Variants in RMI1 observed in about 807,000 individuals in gnomAD.
RMI1 encodes RecQ mediated genome instability 1, also known as recQ-mediated genome instability protein 1.
In RMI1, 36 loss-of-function variants were observed where a neutral mutation model predicts 46.7. That is an observed-to-expected ratio of 0.77 (90% CI 0.59 to 1.02). The LOEUF (loss-of-function observed/expected upper bound fraction) is 1.02. RMI1 is among the 50% of genes least tolerant of loss of function. RMI1 has a pLI of 0.00. For missense variants in RMI1, 676 were observed against 713.7 expected (o/e 0.95, Z 0.60); for synonymous variants, 250 against 252.9 (o/e 0.99, Z 0.11).
intron 1 of RMI1, among the ~76,000 whole-genome samples, chr9:83,982,785 A>G (rs1017354994): frequency 6.6e-6 from 1 of 151,548 alleles, no homozygotes; most frequent in Non-Finnish European, 1.5e-5. Context: ...GATGGTTGCT[A>G]TTTTTCCCCC....
intron 1 of RMI1, among the ~76,000 whole-genome samples, chr9:83,994,910 C>T (rs189392720): frequency 1.6e-3 from 251 of 152,204 alleles, no homozygotes; most frequent in African/African-American, 5.8e-3. Context: ...TGCCATGTTA[C>T]TGTGTATAAG....
At chr9:83,989,234 C>T (rs1391587006) in intron 1 of RMI1, among the ~76,000 whole-genome samples, 1 of 152,114 alleles carries the variant, frequency 6.6e-6, no homozygotes, top group Non-Finnish European at 1.5e-5. Flanking sequence ...TGTGAAACTA[C>T]TAGGCAAAAA....
chr9:83,994,345 T>C (rs1418099041), intron 1 of RMI1, among the ~76,000 whole-genome samples: 1 of 152,216 alleles, frequency 6.6e-6, no homozygotes, highest in Non-Finnish European at 1.5e-5. Flanking sequence ...CCTGTACTTT[T>C]GGTGTCATAT....
At chr9:83,996,457 G>A (rs933223100) in intron 1 of RMI1, among the ~76,000 whole-genome samples, 5 of 152,244 alleles carry the variant, frequency 3.3e-5, no homozygotes, top group East Asian at 3.9e-4. Context: ...GGGGCTGCAC[G>A]GCTTTAGTGC....
intron 1 of RMI1, among the ~76,000 whole-genome samples, chr9:83,998,899 G>C (rs1957697671): frequency 6.6e-6 from 1 of 152,172 alleles, no homozygotes; most frequent in South Asian, 2.1e-4. Flanking sequence ...CCAGGACTTT[G>C]GGAGGCTGAG....
At chr9:83,985,475 C>T (rs1957475809) in intron 1 of RMI1, among the ~76,000 whole-genome samples, 1 of 152,142 alleles carries the variant, frequency 6.6e-6, no homozygotes. Flanking sequence ...TTGTGTTTTA[C>T]AGGTGTCTTG....
At chr9:83,985,482 C>T (rs1477493836) in intron 1 of RMI1, among the ~76,000 whole-genome samples, 1 of 152,092 alleles carries the variant, frequency 6.6e-6, no homozygotes, top group Non-Finnish European at 1.5e-5. Context: ...TTACAGGTGT[C>T]TTGGTTATCT....
chr9:83,984,964 TG>T (rs1385670434), intron 1 of RMI1, among the ~76,000 whole-genome samples: 1 of 152,204 alleles, frequency 6.6e-6, no homozygotes, highest in African/African-American at 2.4e-5. Flanking sequence ...TCTTTGCACA[TG>T]GGAATTTGTG....
rs1957774547 is a variant in RMI1, at chr9:84,003,946, A to G, written c.*1082A>G. 1 of 165,846 alleles carries G rather than the reference A, an allele frequency of 6.0e-6. No homozygotes were observed. Among genetic ancestry groups the G allele is most frequent in the East Asian group, 1.9e-4 (1 of 5,192 alleles). The allele number at this position is 165,846 out of a possible 1,614,324, so 10.3% of individuals were successfully genotyped here. On this transcript the variant is annotated 3_prime_UTR_variant, in exon 3 of 3. Transcript: ENST00000445877. ...TTTTTAAAAAAAAGAGGGACTGTTT[A>G]CCATTCTTCCACTGTGCTGTTATAA... is the stretch of plus-strand genomic sequence containing the variant.
intron 1 of RMI1, among the ~76,000 whole-genome samples, chr9:83,986,520 G>A (rs1957492494): frequency 6.6e-6 from 1 of 152,174 alleles, no homozygotes; most frequent in Non-Finnish European, 1.5e-5. Flanking sequence ...TGTTGGGTAT[G>A]ATATGTATGC....
intron 1 of RMI1, among the ~76,000 whole-genome samples, chr9:83,991,359 A>G (rs1373808401): frequency 6.6e-6 from 1 of 150,426 alleles, no homozygotes; most frequent in Admixed American, 6.7e-5. Context: ...CTTTGTGTCC[A>G]GGGTAGGGTG....
In RMI1 at chr9:84,003,308, C is replaced by G. The variant is rs574645472; in HGVS notation, c.*444C>G. 6.0e-6 allele frequency: 1 copy of G among 167,280 alleles called. No homozygotes were observed. The highest frequency in any genetic ancestry group is 6.5e-5 in the Admixed American group (1 of 15,290). The allele number at this position is 167,280 out of a possible 1,614,324, so 10.4% of individuals were successfully genotyped here. On this transcript the variant is annotated 3_prime_UTR_variant, in exon 3 of 3. Transcript: ENST00000445877. ...CCTCTCACTCCTGCCGTCATGGCCT[C>G]CAAAGTTTACTTTTTTTAAAAGTAA...
Position 84,004,025 on chromosome 9 carries a change from T to C in RMI1, c.*1161T>C, listed in dbSNP as rs1283947346. 1 of 159,880 alleles carries C rather than the reference T, an allele frequency of 6.3e-6. No individual in the cohort carries two copies. The highest frequency in any genetic ancestry group is 1.9e-4 in the East Asian group (1 of 5,206). 9.9% of individuals were successfully genotyped at this position (159,880 alleles called of 1,614,324 possible). On this transcript the variant is annotated 3_prime_UTR_variant, in exon 3 of 3. Transcript: ENST00000445877. ...TATTAATCTTTTGTCTTAAAATAAT[T>C]TAAAGTGCTTTGAATTTTAAAACAT...
rs369646824 is a variant in RMI1 at position 84,001,900 on chromosome 9, A to G, written c.914A>G (p.His305Arg). 3.7e-6 allele frequency: 6 copies of G among 1,614,054 alleles called. No individual in the cohort carries two copies. The highest frequency in any genetic ancestry group is 1.7e-5 in the Admixed American group (1 of 60,010). Residue 305 changes from histidine to arginine, a missense_variant, in exon 3 of 3, where the codon CAT (histidine) becomes CGT (arginine). Transcript: ENST00000445877. ...PKEEPSNLSI[H>R]VMDGELDDFS... ...GAGGAACCATCAAACCTATCTATAC[A>G]TGTAATGGATGGAGAATTAGATGAC...
At chr9:83,997,461 C>A (rs1957674839) in intron 1 of RMI1, among the ~76,000 whole-genome samples, 1 of 151,702 alleles carries the variant, frequency 6.6e-6, no homozygotes, top group Non-Finnish European at 1.5e-5. Flanking sequence ...TTTGTTACTC[C>A]TGACTTAAAG....
chr9:84,002,788 CTAAAG>C lies in RMI1; in HGVS notation c.1803_1807del (p.Lys602AsnfsTer9). ...ACTATTTCATTTAATCCTTCCTTGT[CTAAAG>C]CAATGGTACTGGCATTACAAGATGT... On this transcript the variant is annotated frameshift_variant, in exon 3 of 3. Transcript: ENST00000445877. LOFTEE classifies it high-confidence loss of function. 6.2e-7 allele frequency: 1 copy of C among 1,611,538 alleles called. No homozygotes were observed. The highest frequency in any genetic ancestry group is 1.1e-5 in the South Asian group (1 of 91,034).
At position 84,002,663 on chromosome 9, in the gene RMI1, A is replaced by G. The variant is rs138053051; in HGVS notation, c.1677A>G (p.Pro559=). 1.3e-5 allele frequency: 21 copies of G among 1,613,842 alleles called. No individual in the cohort carries two copies. The highest frequency in any genetic ancestry group is 5.1e-6 in the Non-Finnish European group (6 of 1,179,922). Reference sequence around the variant, plus strand: ...CTAGCTTGATAGGGTTCTCAGTACCAGAAATGAAACAGTCAAAAAAGGATC... The same window carrying G: ...CTAGCTTGATAGGGTTCTCAGTACCGGAAATGAAACAGTCAAAAAAGGATC... ...ILTSLIGFSV[P]EMKQSKKDPL... The change falls in exon 3 of 3, where the codon CCA becomes CCG. Residue 559 remains proline, a synonymous_variant. Coordinates refer to ENST00000445877, the MANE Select transcript of RMI1 (RefSeq NM_001358291.2).
chr9:84,001,239 T>A lies in RMI1; in HGVS notation c.253T>A (p.Tyr85Asn). Residue 85 changes from tyrosine (Y) to asparagine (N), a missense_variant, in exon 3 of 3, where the codon TAT (tyrosine) becomes AAT (asparagine). Transcript: ENST00000445877. ...EIPKGELNGF[Y>N]ALQINSLVDV... ...TCCAAAAGGAGAATTAAATGGATTT[T>A]ATGCTCTGCAGATTAATTCCTTGGT... The A allele has an allele frequency of 6.2e-7, 1 of 1,614,156 alleles. No individual in the cohort carries two copies. The highest frequency in any genetic ancestry group is 1.6e-4 in the Middle Eastern group (1 of 6,062).
In RMI1 at chr9:84,003,929, AAAAAG is replaced by A. The variant is rs950577111; in HGVS notation, c.*1067_*1071del. The A allele has an allele frequency of 1.2e-5, 2 of 166,356 alleles. No individual in the cohort carries two copies. The highest frequency in any genetic ancestry group is 2.4e-5 in the African/African-American group (1 of 41,438). The allele number at this position is 166,356 out of a possible 1,614,324, so 10.3% of individuals were successfully genotyped here. A position where few individuals can be genotyped will look rare whatever the true frequency, so the allele number is the denominator to read the frequency against. On this transcript the variant is annotated 3_prime_UTR_variant, in exon 3 of 3. Coordinates refer to ENST00000445877, the MANE Select transcript of RMI1 (RefSeq NM_001358291.2). ...TTTTAAGTACTGATTTTTTTTTAAAAAAAAGAGGGACTGTTTACCATTCTTCCACT... is the reference window on the plus strand; with the variant it reads ...TTTTAAGTACTGATTTTTTTTTAAAAAGGGACTGTTTACCATTCTTCCACT...
Sources: allele counts gnomAD v4.1 joint callset (sites outside exome capture counted in the v4.1 genomes callset), GRCh38; gene constraint gnomAD v4.1.1; transcripts MANE v1.5; gene names NCBI Gene and HGNC (gene_info 2026-07-23, HGNC 2026-07-21).